KLHL1: variants seen among roughly 807,000 people sequenced by gnomAD.
KLHL1 encodes kelch like family member 1.
Under a neutral mutation model 77.7 loss-of-function variants are expected in KLHL1, and 47 were observed. That is an observed-to-expected ratio of 0.60 (90% CI 0.48 to 0.77). KLHL1 has a LOEUF of 0.77. Among genes scored for constraint, KLHL1 ranks in the 30% least tolerant of loss-of-function variants. The pLI, the probability that KLHL1 is intolerant of heterozygous loss-of-function variation, is 0.00. For missense variants in KLHL1, 925 were observed against 910.8 expected, an observed-to-expected ratio of 1.02 and a Z score of -0.20; for synonymous variants, 360 against 325.2, an observed-to-expected ratio of 1.11 and a Z score of -1.15.
intron 1 of KLHL1, among the ~76,000 whole-genome samples, chr13:70,068,508 C>A (rs968756048): frequency 1.3e-5 from 2 of 151,872 alleles, no homozygotes; most frequent in African/African-American, 2.4e-5. Context: ...GAGTTTCAGA[C>A]CCAAAGTTAA....
chr13:70,081,799 T>A (rs1293670546), intron 1 of KLHL1, among the ~76,000 whole-genome samples: 4 of 152,110 alleles, frequency 2.6e-5, no homozygotes, highest in Non-Finnish European at 5.9e-5. Flanking sequence ...TTCCAACCAA[T>A]AGAATTGTTT....
At chr13:69,718,926 T>C (rs1417849101) in intron 9 of KLHL1, among the ~76,000 whole-genome samples, 1 of 151,944 alleles carries the variant, frequency 6.6e-6, no homozygotes, top group Admixed American at 6.6e-5. Flanking sequence ...CCTTTGAGAG[T>C]TTGAAAGGGT....
chr13:70,065,440 G>C (rs569933063), intron 1 of KLHL1, among the ~76,000 whole-genome samples: 1 of 152,216 alleles, frequency 6.6e-6, no homozygotes, highest in Non-Finnish European at 1.5e-5. Flanking sequence ...ACAATAGAGT[G>C]GGGAGATATG....
chr13:69,708,724 G>A (rs962608620), intron 9 of KLHL1, among the ~76,000 whole-genome samples: 9 of 151,950 alleles, frequency 5.9e-5, no homozygotes, highest in Non-Finnish European at 4.4e-5. Context: ...TACTCTGAAT[G>A]AATGAAGAAA....
At chr13:69,882,561 G>GA in intron 4 of KLHL1, 66 bp from the exon 5 acceptor site, 1 of 1,115,770 alleles carries the variant, frequency 9.0e-7, no homozygotes, top group South Asian at 1.4e-5. Context: ...AAGCATTTCA[G>GA]AAAGAAGAAA....
At chr13:69,785,935 C>T (rs1169121909) in intron 7 of KLHL1, among the ~76,000 whole-genome samples, 2 of 152,162 alleles carry the variant, frequency 1.3e-5, no homozygotes, top group Non-Finnish European at 2.9e-5. Flanking sequence ...TCGACACATA[C>T]ACCCTCCCAA....
At chr13:69,746,027 C>T (rs551260766) in intron 7 of KLHL1, among the ~76,000 whole-genome samples, 1 of 151,380 alleles carries the variant, frequency 6.6e-6, no homozygotes, top group Non-Finnish European at 1.5e-5. Context: ...TTTATTAGAA[C>T]TTTTTTATAT....
chr13:70,030,311 C>T (rs1335602828), intron 1 of KLHL1, among the ~76,000 whole-genome samples: 1 of 152,178 alleles, frequency 6.6e-6, no homozygotes, highest in African/African-American at 2.4e-5. Flanking sequence ...GCACACATCA[C>T]ACTTATTCCA....
chr13:69,839,007 C>A lies in KLHL1; in HGVS notation c.1383G>T (p.Leu461Phe). 6.2e-7 allele frequency: 1 copy of A among 1,608,854 alleles called. No individual in the cohort carries two copies. The highest frequency in any genetic ancestry group is 1.3e-5 in the African/African-American group (1 of 74,836). The change falls in exon 6 of 11, where the codon TTG becomes TTT. Residue 461 changes from leucine (L) to phenylalanine (F), a missense_variant. Coordinates refer to ENST00000377844, the MANE Select transcript of KLHL1 (RefSeq NM_020866.3). Reference protein sequence around the residue: ...TKPRKSTVGTLYAVGGMDNNK... With the variant: ...TKPRKSTVGTFYAVGGMDNNK... ...TGTTATCCATTCCTCCTACAGCATA[C>A]AAAGTTCCGACTGTAGATTTTCTGG...
chr13:69,875,873 G>A (rs1880744075), intron 5 of KLHL1, among the ~76,000 whole-genome samples: 1 of 150,740 alleles, frequency 6.6e-6, no homozygotes, highest in Non-Finnish European at 1.5e-5. Flanking sequence ...TCTTACTCCT[G>A]CAATCTAGCT....
At chr13:69,964,053 G>T (rs945869595) in intron 2 of KLHL1, among the ~76,000 whole-genome samples, 1 of 128,128 alleles carries the variant, frequency 7.8e-6, no homozygotes, top group Non-Finnish European at 1.8e-5. Context: ...CAGTTTGTTT[G>T]TTTTTTTAAA....
In KLHL1 at chr13:70,069,461, A is replaced by G. The variant is rs771277971; in HGVS notation, c.497+37742T>C. On this transcript the variant is annotated intron_variant, in intron 1 of 10. Transcript: ENST00000377844. ...CAAAAAATTACAAGGCATGCTAAAC[A>G]GGCAAAAACAAACAACCAAAACCAC... Among the ~76,000 whole-genome samples the G allele has an allele frequency of 1.9e-4, 29 of 152,242 alleles. 1 individual carries two copies. Among genetic ancestry groups the G allele is most frequent in the Non-Finnish European group, 2.9e-5 (2 of 68,044 alleles).
At chr13:70,040,590 T>C (rs1436458397) in intron 1 of KLHL1, among the ~76,000 whole-genome samples, 2 of 152,216 alleles carry the variant, frequency 1.3e-5, no homozygotes, top group Non-Finnish European at 2.9e-5. Flanking sequence ...GAATTGTTTT[T>C]CCCCTATAGC....
intron 1 of KLHL1, among the ~76,000 whole-genome samples, chr13:70,072,325 T>C (rs186592844): frequency 1.4e-4 from 21 of 152,276 alleles, no homozygotes; most frequent in Admixed American, 1.3e-3. Flanking sequence ...AGGTACAGAA[T>C]GCCCAGATGT....
At chr13:69,895,688 G>A (rs926934724) in intron 4 of KLHL1, among the ~76,000 whole-genome samples, 37 of 148,808 alleles carry the variant, frequency 2.5e-4, no homozygotes, top group African/African-American at 8.8e-4. Context: ...GAATATTTGG[G>A]AATAATCTGT....
intron 1 of KLHL1, among the ~76,000 whole-genome samples, chr13:70,074,280 G>A (rs1266694831): frequency 6.6e-6 from 1 of 152,042 alleles, no homozygotes; most frequent in African/African-American, 2.4e-5. Flanking sequence ...ACCATCTCTC[G>A]GCATCACTAC....
At chr13:69,900,956 CA>C (rs543503514) in intron 4 of KLHL1, among the ~76,000 whole-genome samples, 1 of 152,134 alleles carries the variant, frequency 6.6e-6, no homozygotes, top group East Asian at 1.9e-4. Context: ...CTGCATATCC[CA>C]AAAAAACCTT....
intron 4 of KLHL1, among the ~76,000 whole-genome samples, chr13:69,931,669 T>C (rs1009572591): frequency 1.3e-5 from 2 of 151,800 alleles, no homozygotes; most frequent in Non-Finnish European, 3.0e-5. Context: ...TGTTCCTCAA[T>C]AGTATGGTGA....
intron 7 of KLHL1, among the ~76,000 whole-genome samples, chr13:69,744,211 G>T (rs958609261): frequency 4.6e-5 from 7 of 152,066 alleles, no homozygotes; most frequent in African/African-American, 1.7e-4. Flanking sequence ...AAAGAAAATA[G>T]AGAAGAAATG....
Sources: allele counts gnomAD v4.1 joint callset (sites outside exome capture counted in the v4.1 genomes callset), GRCh38; gene constraint gnomAD v4.1.1; transcripts MANE v1.5; gene names NCBI Gene and HGNC (gene_info 2026-07-23, HGNC 2026-07-21).